KALRN: variants seen among roughly 807,000 people sequenced by gnomAD.
The protein encoded by KALRN is kalirin.
In KALRN, 70 loss-of-function variants were observed where a neutral mutation model predicts 353.7. The ratio of observed to expected loss-of-function variants is 0.20; its 90% CI spans 0.16 to 0.24. KALRN has a LOEUF of 0.24. Among genes scored for constraint, KALRN ranks in the 10% least tolerant of loss-of-function variants. KALRN has a pLI of 1.00. For missense variants in KALRN, 2,791 were observed against 3,756.7 expected, an observed-to-expected ratio of 0.74 and a Z score of 6.72; for synonymous variants, 1,391 against 1,434.8, an observed-to-expected ratio of 0.97 and a Z score of 0.69.
intron 37 of KALRN, among the ~76,000 whole-genome samples, chr3:124,645,403 G>A (rs1010309501): frequency 3.9e-5 from 6 of 152,156 alleles, no homozygotes; most frequent in Non-Finnish European, 8.8e-5. Context: ...CTTTGCCCAT[G>A]CCTATGTCCT....
At chr3:124,687,690 T>C (rs909024748) in intron 51 of KALRN, among the ~76,000 whole-genome samples, 1 of 151,920 alleles carries the variant, frequency 6.6e-6, no homozygotes, top group African/African-American at 2.4e-5. Flanking sequence ...AAATTGACCA[T>C]GTGTGCTACT....
rs192531479 is a variant in KALRN, at chr3:124,547,593, C to A, written c.4936-15250C>A. On this transcript the variant is annotated intron_variant, in intron 33 of 59. Coordinates refer to ENST00000682506, the MANE Select transcript of KALRN (RefSeq NM_001388419.1). ...AGTGCTAGGGTTATAGGGCATGAGC[C>A]ACCATGCCCAACCTGTACCCAGAGT... Among the ~76,000 whole-genome samples the A allele has an allele frequency of 1.1e-3, 172 of 152,278 alleles. 1 individual carries two copies. The highest frequency in any genetic ancestry group is 1.4e-3 in the Non-Finnish European group (95 of 68,020).
intron 1 of KALRN, among the ~76,000 whole-genome samples, chr3:124,051,079 G>A (rs1253952952): frequency 6.6e-6 from 1 of 152,178 alleles, no homozygotes; most frequent in Non-Finnish European, 1.5e-5. Context: ...CCTTCATCGG[G>A]ATTCCATGTA....
rs1274456406 is a variant in KALRN, at chr3:124,033,588, C to T, written c.-153C>T. Among the ~76,000 whole-genome samples, 1 of 151,458 alleles carries T rather than the reference C, an allele frequency of 6.6e-6. No homozygotes were observed. Among genetic ancestry groups the T allele is most frequent in the Non-Finnish European group, 1.5e-5 (1 of 67,816 alleles). On this transcript the variant is annotated 5_prime_UTR_variant, in exon 1 of 60. Coordinates refer to ENST00000682506, the MANE Select transcript of KALRN (RefSeq NM_001388419.1). This position sits in a 1 kb window ranked among gnomAD's most constrained non-coding sequence, Gnocchi z 6.2. ...GAGGCTCAGCGTCCTCTGCCCCAGC[C>T]CCGCCGCCCAACGCCCGCCCTCGAA...
chr3:124,562,760 C>G (rs962168300), intron 33 of KALRN, 83 bp from the exon 34 acceptor site: 1 of 1,195,552 alleles, frequency 8.4e-7, no homozygotes, highest in South Asian at 1.4e-5. Context: ...ATCCTTCGTC[C>G]CCTCTCACCA....
At chr3:124,284,632 G>A (rs894144591) in intron 5 of KALRN, among the ~76,000 whole-genome samples, 5 of 152,102 alleles carry the variant, frequency 3.3e-5, no homozygotes, top group African/African-American at 4.8e-5. Context: ...TCACTAGACC[G>A]TGGCCTTGAT....
chr3:124,456,905 C>T (rs1289899468), intron 23 of KALRN, among the ~76,000 whole-genome samples, 177 bp downstream of exon 23: 1 of 152,180 alleles, frequency 6.6e-6, no homozygotes, highest in Non-Finnish European at 1.5e-5. Context: ...TGAAGTCTCT[C>T]CAGTCTGTCC....
intron 6 of KALRN, among the ~76,000 whole-genome samples, chr3:124,320,928 A>G (rs1477687630): frequency 6.6e-6 from 1 of 152,126 alleles, no homozygotes; most frequent in African/African-American, 2.4e-5. Flanking sequence ...AATAGTAGGA[A>G]GCTTGTGTTG....
At chr3:124,368,320 G>C (rs2085283726) in intron 10 of KALRN, among the ~76,000 whole-genome samples, 1 of 149,942 alleles carries the variant, frequency 6.7e-6, no homozygotes, top group Admixed American at 6.6e-5. Flanking sequence ...TGGCTGCCGG[G>C]CGGAGGGGCT....
intron 33 of KALRN, among the ~76,000 whole-genome samples, chr3:124,504,086 C>G (rs1465366605): frequency 2.0e-5 from 3 of 152,012 alleles, no homozygotes; most frequent in Admixed American, 1.3e-4. Context: ...GCACTTGGAC[C>G]CGCATAAAAA....
Position 124,674,527 on chromosome 3 carries a change from C to A in KALRN, c.7106C>A (p.Ser2369Tyr). 6.2e-7 allele frequency: 1 copy of A among 1,613,706 alleles called. No individual in the cohort carries two copies. Residue 2369 changes from serine to tyrosine, a missense_variant, in exon 49 of 60, where the codon TCC (serine) becomes TAC (tyrosine). By Grantham distance (144) the Ser-to-Tyr change is moderately radical. Transcript: ENST00000682506. ...GTGTACCAGCCTGCCAGCGACCATT[C>A]CCCCGCCGCCGAGGGCTGGGTCCCA... ...CLVYQPASDH[S>Y]PAAEGWVPGS...
intron 33 of KALRN, among the ~76,000 whole-genome samples, chr3:124,530,510 G>T (rs929926803): frequency 2.6e-5 from 4 of 152,076 alleles, no homozygotes; most frequent in African/African-American, 4.8e-5. Flanking sequence ...TCCTGCTTCA[G>T]CCTCTTGAGT....
At chr3:124,310,361 A>G (rs1416993239) in intron 6 of KALRN, among the ~76,000 whole-genome samples, 2 of 152,234 alleles carry the variant, frequency 1.3e-5, no homozygotes, top group Non-Finnish European at 2.9e-5. Context: ...CTATAAATCC[A>G]GTATATCTCT....
At chr3:124,189,083 C>G (rs1337108342) in intron 1 of KALRN, among the ~76,000 whole-genome samples, 1 of 152,186 alleles carries the variant, frequency 6.6e-6, no homozygotes, top group Non-Finnish European at 1.5e-5. Context: ...TCTTCCAAGT[C>G]TGTTCACTAT....
intron 1 of KALRN, among the ~76,000 whole-genome samples, chr3:124,134,277 G>A (rs2065663509): frequency 6.6e-6 from 1 of 152,172 alleles, no homozygotes; most frequent in Non-Finnish European, 1.5e-5. Flanking sequence ...ACATAAAGTA[G>A]GGAAAGGACA....
chr3:124,629,662 G>A (rs1008976228), intron 34 of KALRN, among the ~76,000 whole-genome samples: 2 of 151,946 alleles, frequency 1.3e-5, no homozygotes, highest in African/African-American at 2.4e-5. Context: ...GATCAATCCC[G>A]CCTACACTGA....
chr3:124,654,870 T>A (rs2083831225), intron 38 of KALRN, among the ~76,000 whole-genome samples: 1 of 152,216 alleles, frequency 6.6e-6, no homozygotes, highest in African/African-American at 2.4e-5. Flanking sequence ...AAAACCCAGA[T>A]GAAGGGAGTG....
At chr3:124,425,968 T>TAC in intron 15 of KALRN, among the ~76,000 whole-genome samples, 1 of 152,314 alleles carries the variant, frequency 6.6e-6, no homozygotes, top group East Asian at 1.9e-4. Context: ...TCCTTATTTC[T>TAC]ACCATGACAA....
At chr3:124,464,253 GACTA>G (rs2060119856) in intron 25 of KALRN, among the ~76,000 whole-genome samples, 2 of 152,152 alleles carry the variant, frequency 1.3e-5, no homozygotes, top group Admixed American at 1.3e-4. Context: ...TTAGCCAATT[GACTA>G]ACTACGGAAG....
Sources: allele counts gnomAD v4.1 joint callset (sites outside exome capture counted in the v4.1 genomes callset), GRCh38; gene constraint gnomAD v4.1.1; non-coding constraint Gnocchi (gnomAD v3.1); transcripts MANE v1.5; gene names NCBI Gene and HGNC (gene_info 2026-07-23, HGNC 2026-07-21).